Variants in YME1L1 observed in about 807,000 individuals in gnomAD.
The protein encoded by YME1L1 is ATP-dependent zinc metalloprotease YME1L1.
YME1L1 carries 39 observed loss-of-function variants against 90.4 expected under a neutral mutation model. That is an observed-to-expected ratio of 0.43 (90% CI 0.33 to 0.56). The LOEUF (loss-of-function observed/expected upper bound fraction) is 0.56. Ranked by LOEUF, YME1L1 falls within the 20% of genes least tolerant of loss-of-function variation. YME1L1 has a pLI of 0.03. For missense variants in YME1L1, 617 were observed against 868.4 expected, an observed-to-expected ratio of 0.71 and a Z score of 3.64; for synonymous variants, 284 against 287.3, an observed-to-expected ratio of 0.99 and a Z score of 0.12.
rs77783516 is a variant in YME1L1 at position 27,121,309 on chromosome 10, C to A, written c.1298+77G>T. On this transcript the variant is annotated intron_variant, in intron 12 of 18. Transcript: ENST00000376016. ...TGGAATCATACAGTGTTGATGTGAT[C>A]TTTTGCAACGGACTTCTTTTAGCAC... 24,674 of 1,020,154 alleles carry A rather than the reference C, an allele frequency of 0.024. 1,660 individuals carry two copies. The highest frequency in any genetic ancestry group is 0.2 in the East Asian group (8,318 of 41,450). The allele number at this position is 1,020,154 out of a possible 1,614,324, so 63.2% of individuals were successfully genotyped here.
chr10:27,138,754 T>C (rs959570932), intron 4 of YME1L1, among the ~76,000 whole-genome samples: 4 of 152,144 alleles, frequency 2.6e-5, no homozygotes, highest in Admixed American at 6.5e-5. Context: ...TTTTACTCCT[T>C]CTTTTGACTT....
At chr10:27,150,128 A>T (rs1358839506) in intron 1 of YME1L1, among the ~76,000 whole-genome samples, 2 of 152,036 alleles carry the variant, frequency 1.3e-5, no homozygotes, top group East Asian at 3.9e-4. Context: ...TGAGCCCAGG[A>T]AGTTGAAGCT....
chr10:27,122,952 G>C lies in YME1L1; in HGVS notation c.1124C>G (p.Pro375Arg). The stretch of plus-strand genomic sequence containing the variant: ...TAATTCATCAATAAATATAACACAA[G>C]GAGCATTCGCCTTTGCTTCCCCTAA... ...NLFREAKANA[P>R]CVIFIDELDS... Residue 375 changes from proline to arginine, a missense_variant, in exon 11 of 19, where the codon CCT becomes CGT. By Grantham distance (103) the Pro-to-Arg change is moderately radical. This residue lies in a region of YME1L1 where 93 missense variants were observed against 184.8 expected (regional missense o/e 0.50). Coordinates refer to ENST00000376016, the MANE Select transcript of YME1L1 (RefSeq NM_014263.4). The C allele has an allele frequency of 6.2e-7, 1 of 1,612,206 alleles. No homozygotes were observed. Among genetic ancestry groups the C allele is most frequent in the Non-Finnish European group, 8.5e-7 (1 of 1,179,408 alleles).
At chr10:27,138,549 T>G (rs759760399) in intron 4 of YME1L1, among the ~76,000 whole-genome samples, 1 of 152,172 alleles carries the variant, frequency 6.6e-6, no homozygotes, top group Admixed American at 6.5e-5. Context: ...ATGTTGTATA[T>G]TTCCTGTCAG....
In YME1L1 at chr10:27,138,557, C is replaced by G. The variant is rs567844174; in HGVS notation, c.431-2172G>C. 1.4e-3 allele frequency among the ~76,000 whole-genome samples: 213 copies of G among 152,030 alleles called. 2 individuals carry two copies. The highest frequency in any genetic ancestry group is 4.9e-3 in the African/African-American group (205 of 41,486). ...TATATCTATGTTGTATATTTCCTGTCAGGATAAAACATTTACTGGGTTTTA... is the reference window on the plus strand; with the variant it reads ...TATATCTATGTTGTATATTTCCTGTGAGGATAAAACATTTACTGGGTTTTA... On this transcript the variant is annotated intron_variant, in intron 4 of 18. Transcript: ENST00000376016.
chr10:27,131,520 T>G (rs150147934), intron 8 of YME1L1, among the ~76,000 whole-genome samples: 3 of 152,332 alleles, frequency 2.0e-5, no homozygotes, highest in African/African-American at 7.2e-5. Flanking sequence ...ATCTACTATG[T>G]GTCAAGCACA....
intron 4 of YME1L1, among the ~76,000 whole-genome samples, chr10:27,137,259 T>C (rs2057038649): frequency 6.6e-6 from 1 of 152,226 alleles, no homozygotes; most frequent in South Asian, 2.1e-4. Context: ...ACTCTAGAAA[T>C]AGTACCTAAT....
chr10:27,111,712 A>G lies in YME1L1; in HGVS notation c.*265T>C. ...TTAATTACTTTCAACTTAATAACTAATTGACATTCCTCAAAAGAGCTGTTT... is the reference window on the plus strand; with the variant it reads ...TTAATTACTTTCAACTTAATAACTAGTTGACATTCCTCAAAAGAGCTGTTT... On this transcript the variant is annotated 3_prime_UTR_variant, in exon 19 of 19. Transcript: ENST00000376016. 1 of 521,792 alleles carries G rather than the reference A, an allele frequency of 1.9e-6. No individual in the cohort carries two copies. Among genetic ancestry groups the G allele is most frequent in the South Asian group, 2.0e-5 (1 of 50,230 alleles). The allele number at this position is 521,792 out of a possible 1,614,324, so 32.3% of individuals were successfully genotyped here.
At chr10:27,139,025 A>G (rs1225807797) in intron 4 of YME1L1, among the ~76,000 whole-genome samples, 2 of 152,108 alleles carry the variant, frequency 1.3e-5, no homozygotes, top group East Asian at 3.9e-4. Context: ...TGACTTACTA[A>G]TAATCTTAAA....
At chr10:27,149,906 G>T (rs1046413237) in intron 1 of YME1L1, among the ~76,000 whole-genome samples, 1 of 150,764 alleles carries the variant, frequency 6.6e-6, no homozygotes, top group Non-Finnish European at 1.5e-5. Flanking sequence ...AAATCCCATC[G>T]CCACTAAAAA....
intron 17 of YME1L1, among the ~76,000 whole-genome samples, chr10:27,115,575 A>G (rs2056804700): frequency 1.3e-5 from 2 of 152,196 alleles, no homozygotes; most frequent in South Asian, 4.1e-4. Context: ...TCAGCCTCCC[A>G]AAGTGCTGGG....
In YME1L1 at chr10:27,154,304, T is replaced by C. The variant is rs2057285770; in HGVS notation, c.-94A>G. On this transcript the variant is annotated 5_prime_UTR_variant, in exon 1 of 19. Coordinates refer to ENST00000376016, the MANE Select transcript of YME1L1 (RefSeq NM_014263.4). ...GAGGCGCTGAGCCCTTCTTTTTTCCTTTTTCTCCGACCCGTTGCCCCTCAC... is the reference window on the plus strand; with the variant it reads ...GAGGCGCTGAGCCCTTCTTTTTTCCCTTTTCTCCGACCCGTTGCCCCTCAC... The C allele has an allele frequency of 5.5e-6, 8 of 1,453,598 alleles. No homozygotes were observed. Among genetic ancestry groups the C allele is most frequent in the Non-Finnish European group, 5.6e-6 (6 of 1,074,538 alleles). 90.0% of individuals were successfully genotyped at this position (1,453,598 alleles called of 1,614,324 possible). A position where few individuals can be genotyped will look rare whatever the true frequency, so the allele number is the denominator to read the frequency against.
At chr10:27,143,714 A>AAG (rs2057114608) in intron 3 of YME1L1, among the ~76,000 whole-genome samples, 1 of 151,766 alleles carries the variant, frequency 6.6e-6, no homozygotes, top group Admixed American at 6.6e-5. Flanking sequence ...AAAAAAAAAA[A>AAG]AAGATGTACT....
intron 17 of YME1L1, 37 bp from the exon 18 acceptor site, chr10:27,114,644 C>T: frequency 6.8e-7 from 1 of 1,478,068 alleles, no homozygotes; most frequent in South Asian, 1.2e-5. Context: ...GAACAGAAAA[C>T]CCCCAAACAC....
At chr10:27,119,262 T>C in intron 14 of YME1L1, 32 bp downstream of exon 14, 1 of 1,569,302 alleles carries the variant, frequency 6.4e-7, no homozygotes, top group Non-Finnish European at 8.6e-7. Context: ...CAATGAAAAG[T>C]AAAAGACAGA....
At chr10:27,154,124 A>G in intron 1 of YME1L1, 54 bp downstream of exon 1, 1 of 1,558,670 alleles carries the variant, frequency 6.4e-7, no homozygotes, top group South Asian at 1.2e-5. Flanking sequence ...CGCAATTTGC[A>G]AACAGCCACG....
chr10:27,143,492 G>T (rs1371847157), intron 3 of YME1L1, among the ~76,000 whole-genome samples: 2 of 151,720 alleles, frequency 1.3e-5, no homozygotes, highest in Non-Finnish European at 2.9e-5. Context: ...GAGGTCAGGA[G>T]ATACAGACCA....
chr10:27,147,149 C>A lies in YME1L1; in HGVS notation c.169-1559G>T, dbSNP rs1379751094. 8.7e-5 allele frequency: 44 copies of A among 504,786 alleles called. 1 individual carries two copies. Among genetic ancestry groups the A allele is most frequent in the Non-Finnish European group, 1.7e-5 (5 of 286,604 alleles). 31.3% of individuals were successfully genotyped at this position (504,786 alleles called of 1,614,324 possible). On this transcript the variant is annotated intron_variant, in intron 2 of 18. Coordinates refer to ENST00000376016, the MANE Select transcript of YME1L1 (RefSeq NM_014263.4). ...TGAAGAGCCATGTTTGAATTTAATTCTCTAAGTAACATGATTAGTTCTGTC... is the reference window on the plus strand; with the variant it reads ...TGAAGAGCCATGTTTGAATTTAATTATCTAAGTAACATGATTAGTTCTGTC...
At chr10:27,122,813 A>G (rs759609334) in intron 11 of YME1L1, 28 bp downstream of exon 11, 18 of 1,611,590 alleles carry the variant, frequency 1.1e-5, no homozygotes, top group Non-Finnish European at 1.4e-5. Context: ...GCATCACCAT[A>G]TTCTAAGAAA....
Sources: gnomAD v4.1 joint callset for allele counts (sites outside exome capture counted in the v4.1 genomes callset) on GRCh38, gnomAD v4.1.1 for gene constraint, gnomAD v4.1.1 regional missense constraint, MANE v1.5 for transcripts, NCBI Gene and HGNC (gene_info 2026-07-23, HGNC 2026-07-21) for gene names.